The following MORC1 variants were observed in gnomAD, a reference collection of about 807,000 sequenced individuals.
MORC1 encodes the protein MORC family CW-type zinc finger 1.
A neutral mutation model predicts 134.9 loss-of-function variants in MORC1; 59 were observed. That is an observed-to-expected ratio of 0.44 (90% CI 0.35 to 0.54). The LOEUF (loss-of-function observed/expected upper bound fraction) is 0.54, where lower values mean the gene tolerates loss of function less well. MORC1 is among the 20% of genes least tolerant of loss of function. MORC1 has a pLI of 0.00. For missense variants in MORC1, 947 were observed against 1,134.5 expected, an observed-to-expected ratio of 0.83 and a Z score of 2.37; for synonymous variants, 395 against 391.7, an observed-to-expected ratio of 1.01 and a Z score of -0.10.
rs1295677000 is a variant in MORC1 at position 109,100,491 on chromosome 3, G to A, written c.240C>T (p.Ile80=). The A allele has an allele frequency of 1.6e-5, 25 of 1,610,932 alleles. No homozygotes were observed. Among genetic ancestry groups the A allele is most frequent in the East Asian group, 2.2e-5 (1 of 44,760 alleles). ...CGMSPEEASD[I]IYFGRSKKRL... ...GTTTTTTGGATCGTCCAAAGTAAAT[G>A]ATGTCTGAAGCTTCCTCTGTAATTG... Residue 80 remains isoleucine (I), a synonymous_variant, in exon 5 of 28, where the codon ATC becomes ATT. Transcript: ENST00000232603.
chr3:109,017,054 A>G (rs1372671771), intron 17 of MORC1, among the ~76,000 whole-genome samples: 1 of 152,144 alleles, frequency 6.6e-6, no homozygotes, highest in Non-Finnish European at 1.5e-5. Context: ...CCTTTAGTAC[A>G]AAACTTCCTA....
rs188633617 is a variant in MORC1 at position 109,058,502 on chromosome 3, A to G, written c.1032-1016T>C. 5.3e-5 allele frequency among the ~76,000 whole-genome samples: 8 copies of G among 152,194 alleles called. No homozygotes were observed. In the East Asian group the frequency reaches 1.5e-3, roughly 29 times the overall value. The stretch of plus-strand genomic sequence containing the variant: ...TTATGACCACGTGCTATTATAATTG[A>G]CATAATATACTTATTGGACTAATTA... On this transcript the variant is annotated intron_variant, in intron 12 of 27. Coordinates refer to ENST00000232603, the MANE Select transcript of MORC1 (RefSeq NM_014429.4).
chr3:109,021,716 C>T (rs956643431), intron 17 of MORC1, among the ~76,000 whole-genome samples: 1 of 152,086 alleles, frequency 6.6e-6, no homozygotes, highest in Non-Finnish European at 1.5e-5. Flanking sequence ...TAGTGCTGTC[C>T]GGGTCTGTTT....
At chr3:109,110,904 C>A (rs1951151572) in intron 2 of MORC1, 121 bp from the exon 3 acceptor site, 2 of 676,594 alleles carry the variant, frequency 3.0e-6, no homozygotes, top group Non-Finnish European at 4.8e-6. Context: ...AAATCAATTT[C>A]TAAAACGTTT....
chr3:109,023,409 G>A (rs942634895), intron 17 of MORC1, among the ~76,000 whole-genome samples: 1 of 152,194 alleles, frequency 6.6e-6, no homozygotes, highest in Non-Finnish European at 1.5e-5. Context: ...GGACACATAA[G>A]CAATTCATCA....
intron 8 of MORC1, among the ~76,000 whole-genome samples, chr3:109,079,398 T>C (rs1324261123): frequency 6.6e-6 from 1 of 151,982 alleles, no homozygotes; most frequent in Non-Finnish European, 1.5e-5. Context: ...AGCATTAAAA[T>C]TGAAACCTGT....
intron 21 of MORC1, among the ~76,000 whole-genome samples, chr3:108,999,727 A>G (rs1453619690): frequency 6.6e-6 from 1 of 152,194 alleles, no homozygotes; most frequent in Non-Finnish European, 1.5e-5. Flanking sequence ...AGTTACTCTT[A>G]CGCGGGTTAA....
intron 17 of MORC1, among the ~76,000 whole-genome samples, chr3:109,010,626 GATC>G (rs1182819056): frequency 2.6e-5 from 4 of 152,018 alleles, no homozygotes; most frequent in African/African-American, 9.7e-5. Flanking sequence ...TTAACATACT[GATC>G]ATCCCCAAAA....
Position 109,004,835 on chromosome 3 carries a change from C to T in MORC1, c.2067G>A (p.Gly689=). The T allele has an allele frequency of 6.2e-7, 1 of 1,613,804 alleles. No homozygotes were observed. ...TTCCCACCTGGGCATTCTTCAGGCACCCTTCAGTTGGTTGAGCTCTCCAGA... is the reference window on the plus strand; with the variant it reads ...TTCCCACCTGGGCATTCTTCAGGCATCCTTCAGTTGGTTGAGCTCTCCAGA... ...TTVWRAQPTE[G]CLKNAQAASW... The change falls in exon 20 of 28, where the codon GGG becomes GGA. Residue 689 remains glycine, a synonymous_variant. Transcript: ENST00000232603.
chr3:109,002,586 T>G (rs1327846706), intron 20 of MORC1, among the ~76,000 whole-genome samples: 3 of 152,192 alleles, frequency 2.0e-5, no homozygotes, highest in Non-Finnish European at 4.4e-5. Flanking sequence ...AGGCCATGTG[T>G]GCTCTTTATC....
At chr3:108,960,369 G>C (rs983558846) in intron 27 of MORC1, among the ~76,000 whole-genome samples, 1 of 152,148 alleles carries the variant, frequency 6.6e-6, no homozygotes, top group African/African-American at 2.4e-5. Context: ...GGAGATTTTA[G>C]ACAAATGGGA....
chr3:108,985,041 T>C (rs1947860104), intron 22 of MORC1, among the ~76,000 whole-genome samples: 1 of 152,170 alleles, frequency 6.6e-6, no homozygotes, highest in Admixed American at 6.5e-5. Context: ...TAAATGGACA[T>C]TTTTTACCAG....
At chr3:109,000,012 C>T (rs1948355318) in intron 21 of MORC1, among the ~76,000 whole-genome samples, 1 of 152,098 alleles carries the variant, frequency 6.6e-6, no homozygotes, top group Non-Finnish European at 1.5e-5. Context: ...TCAGTGAAGG[C>T]AAAGCAACTC....
At chr3:109,086,927 A>G (rs1259876517) in intron 8 of MORC1, among the ~76,000 whole-genome samples, 1 of 152,130 alleles carries the variant, frequency 6.6e-6, no homozygotes, top group African/African-American at 2.4e-5. Context: ...ATATAAAGTG[A>G]CAGATAATAA....
intron 8 of MORC1, among the ~76,000 whole-genome samples, chr3:109,087,230 A>G (rs982645911): frequency 1.3e-5 from 2 of 152,052 alleles, no homozygotes; most frequent in Admixed American, 6.5e-5. Context: ...TTGCTTGGCA[A>G]TCAGGCAAGA....
intron 1 of MORC1, among the ~76,000 whole-genome samples, chr3:109,117,570 T>C (rs972047352): frequency 1.3e-5 from 2 of 152,152 alleles, no homozygotes; most frequent in African/African-American, 4.8e-5. Context: ...TTCCTATCCT[T>C]AGAGAGGTTA....
At chr3:108,973,594 G>GGT (rs757236039) in intron 24 of MORC1, among the ~76,000 whole-genome samples, 3 of 123,396 alleles carry the variant, frequency 2.4e-5, no homozygotes, top group Non-Finnish European at 3.5e-5. Flanking sequence ...GCTTTGTTTT[G>GGT]GTTTTTTTTT....
rs920099735 is a variant in MORC1 at position 109,113,738 on chromosome 3, T to A, written c.119+646A>T. Among the ~76,000 whole-genome samples, 6 of 151,980 alleles carry A rather than the reference T, an allele frequency of 3.9e-5. No homozygotes were observed. The South Asian group carries it at 1.3e-3, about 32-fold the overall frequency. ...ACTACTGAGCAGAACTTAAACTGTTTAACGGGTTCCTTAATCATTAATACA... is the reference window on the plus strand; with the variant it reads ...ACTACTGAGCAGAACTTAAACTGTTAAACGGGTTCCTTAATCATTAATACA... On this transcript the variant is annotated intron_variant, in intron 2 of 27. Transcript: ENST00000232603.
intron 14 of MORC1, among the ~76,000 whole-genome samples, chr3:109,045,219 T>C (rs1949666108): frequency 6.6e-6 from 1 of 152,164 alleles, no homozygotes; most frequent in Admixed American, 6.5e-5. Context: ...AAATAGATGA[T>C]TATATTCTAA....
Sources: gnomAD v4.1 joint callset for allele counts (sites outside exome capture counted in the v4.1 genomes callset) on GRCh38, gnomAD v4.1.1 for gene constraint, MANE v1.5 for transcripts, NCBI Gene and HGNC (gene_info 2026-07-23, HGNC 2026-07-21) for gene names.